The following TRRAP variants were observed in gnomAD, a reference collection of about 807,000 sequenced individuals.
TRRAP encodes transformation/transcription domain-associated protein.
A neutral mutation model predicts 438.8 loss-of-function variants in TRRAP; 41 were observed. The ratio of observed to expected loss-of-function variants is 0.09; its 90% CI spans 0.07 to 0.12. The LOEUF (loss-of-function observed/expected upper bound fraction) is 0.12. Ranked by LOEUF, TRRAP falls within the 10% of genes least tolerant of loss-of-function variation. TRRAP has a pLI of 1.00. For missense variants in TRRAP, 3,122 were observed against 5,055.1 expected, an observed-to-expected ratio of 0.62 and a Z score of 11.60; for synonymous variants, 1,994 against 1,962.9, an observed-to-expected ratio of 1.02 and a Z score of -0.42.
chr7:98,998,338 ATTT>A (rs560358036), intron 67 of TRRAP, among the ~76,000 whole-genome samples: 1 of 152,062 alleles, frequency 6.6e-6, no homozygotes, highest in Non-Finnish European at 1.5e-5. Flanking sequence ...TTGGCTTAGA[ATTT>A]TTTTCTCAAC....
Position 98,910,217 on chromosome 7 carries a change from T to TTCCCCCCCCCCCCCCCCCCCCCCCCCCCC in TRRAP, c.1512_1513insTCCCCCCCCCCCCCCCCCCCCCCCCCCCC (p.Ala505SerfsTer25). 5 of 1,045,586 alleles carry TTCCCCCCCCCCCCCCCCCCCCCCCCCCCC rather than the reference T, an allele frequency of 4.8e-6. No homozygotes were observed. Among genetic ancestry groups the TTCCCCCCCCCCCCCCCCCCCCCCCCCCCC allele is most frequent in the South Asian group, 3.5e-5 (2 of 57,706 alleles). The allele number at this position is 1,045,586 out of a possible 1,614,324, so 64.8% of individuals were successfully genotyped here. ...CTGCTCCCTCCCCAGCCCCTGTCCCTGCCCCACCTCCACCCCCGCCCCCAC... is the reference window on the plus strand; with the variant it reads ...CTGCTCCCTCCCCAGCCCCTGTCCCTTCCCCCCCCCCCCCCCCCCCCCCCCCCCCGCCCCACCTCCACCCCCGCCCCCAC... On this transcript the variant is annotated frameshift_variant, in exon 15 of 73. Coordinates refer to ENST00000456197, the MANE Select transcript of TRRAP (RefSeq NM_001375524.1). LOFTEE classifies it high-confidence loss of function.
chr7:98,930,430 T>C (rs1294951519), intron 24 of TRRAP, among the ~76,000 whole-genome samples: 1 of 152,034 alleles, frequency 6.6e-6, no homozygotes, highest in Admixed American at 6.6e-5. Context: ...TAAAAAAAAT[T>C]AGCCAGGCGT....
rs71567511 is a variant in TRRAP, at chr7:98,995,323, C to T, written c.10309+475C>T. On this transcript the variant is annotated intron_variant, in intron 67 of 72. Coordinates refer to ENST00000456197, the MANE Select transcript of TRRAP (RefSeq NM_001375524.1). The stretch of plus-strand genomic sequence containing the variant: ...TGAGCCAGTAGGAGACAGCGTCTGG[C>T]GGGCCAGTGGGAGACAGGGTCCGGT... 5.6e-3 allele frequency among the ~76,000 whole-genome samples: 777 copies of T among 139,212 alleles called. 3 individuals carry two copies. Among genetic ancestry groups the T allele is most frequent in the Middle Eastern group, 0.021 (6 of 288 alleles). 91.3% of individuals were successfully genotyped at this position (139,212 alleles called of 152,430 possible). A position where few individuals can be genotyped will look rare whatever the true frequency, so the allele number is the denominator to read the frequency against.
At chr7:98,952,550 C>T (rs191555322) in intron 39 of TRRAP, among the ~76,000 whole-genome samples, 1 of 152,254 alleles carries the variant, frequency 6.6e-6, no homozygotes, top group Admixed American at 6.5e-5. Context: ...CATTTGTAAA[C>T]CAAAAAGTAT....
At chr7:98,985,490 G>A (rs753952498) in intron 62 of TRRAP, among the ~76,000 whole-genome samples, 16 of 152,222 alleles carry the variant, frequency 1.1e-4, no homozygotes, top group Admixed American at 7.9e-4. Context: ...GACTGCTTTC[G>A]CTTTACTGCA....
At chr7:98,974,213 C>G (rs887378140) in intron 53 of TRRAP, among the ~76,000 whole-genome samples, 4 of 152,142 alleles carry the variant, frequency 2.6e-5, no homozygotes, top group Non-Finnish European at 5.9e-5. Context: ...ATTTCATCTT[C>G]TGTGTATTTA....
intron 10 of TRRAP, 45 bp from the exon 11 acceptor site, chr7:98,900,579 T>C (rs782457374): frequency 2.7e-6 from 4 of 1,499,254 alleles, no homozygotes; most frequent in Non-Finnish European, 2.7e-6. Flanking sequence ...AATACTAACA[T>C]CACTCATAAT....
chr7:98,934,358 C>T (rs1193506064), intron 27 of TRRAP, among the ~76,000 whole-genome samples: 1 of 152,170 alleles, frequency 6.6e-6, no homozygotes, highest in African/African-American at 2.4e-5. Context: ...CCTGTTTTTG[C>T]TTGGACATAT....
Position 98,949,703 on chromosome 7 carries a change from G to A in TRRAP, c.4997G>A (p.Ser1666Asn), listed in dbSNP as rs1554417741. 6.2e-7 allele frequency: 1 copy of A among 1,614,070 alleles called. No individual in the cohort carries two copies. Among genetic ancestry groups the A allele is most frequent in the East Asian group, 2.2e-5 (1 of 44,876 alleles). Residue 1666 changes from serine (S) to asparagine (N), a missense_variant, in exon 37 of 73, where the codon AGC becomes AAC. Ser to Asn is a conservative substitution (Grantham distance 46). Coordinates refer to ENST00000456197, the MANE Select transcript of TRRAP (RefSeq NM_001375524.1). ...IVKNDDSWLA[S>N]QHSLVSQLRR... is the part of the protein sequence containing the mutation. Reference sequence around the variant, plus strand: ...AAAAACGATGACTCCTGGCTGGCCAGCCAGCACTCTCTGGTGAGCCAGTTG... The same window carrying A: ...AAAAACGATGACTCCTGGCTGGCCAACCAGCACTCTCTGGTGAGCCAGTTG...
At position 98,915,580 on chromosome 7, in the gene TRRAP, T is replaced by G. The variant is rs536313002; in HGVS notation, c.2200-143T>G. On this transcript the variant is annotated intron_variant, in intron 18 of 72. Transcript: ENST00000456197. ...TTTGAGTTAAATAAAGATTGGAATA[T>G]GCTTGTTTGGTTTTTTCCCTTTGGA... 20 of 939,168 alleles carry G rather than the reference T, an allele frequency of 2.1e-5. 1 individual carries two copies. In the South Asian group the frequency reaches 3.1e-4, roughly 15 times the overall value. 58.2% of individuals were successfully genotyped at this position (939,168 alleles called of 1,614,324 possible). A position where few individuals can be genotyped will look rare whatever the true frequency, so the allele number is the denominator to read the frequency against.
intron 18 of TRRAP, among the ~76,000 whole-genome samples, chr7:98,914,972 T>C (rs1167000614): frequency 6.6e-6 from 1 of 151,882 alleles, no homozygotes; most frequent in East Asian, 1.9e-4. Context: ...ATGTGACATA[T>C]CAAAACCAGG....
chr7:98,998,291 T>TA (rs1417289636), intron 67 of TRRAP, among the ~76,000 whole-genome samples: 3 of 152,202 alleles, frequency 2.0e-5, no homozygotes, highest in Admixed American at 2.0e-4. Flanking sequence ...GAGCACATTA[T>TA]AATATTTAAT....
intron 21 of TRRAP, among the ~76,000 whole-genome samples, chr7:98,922,566 C>T (rs1027096335): frequency 6.6e-5 from 10 of 152,134 alleles, no homozygotes; most frequent in African/African-American, 1.9e-4. Flanking sequence ...TCCATCGTCA[C>T]GTTGGCTTTT....
intron 12 of TRRAP, among the ~76,000 whole-genome samples, chr7:98,905,046 G>A (rs938501235): frequency 3.9e-5 from 6 of 152,158 alleles, no homozygotes; most frequent in Admixed American, 1.3e-4. Context: ...GTCATGGAAA[G>A]GATCTGGAAA....
intron 26 of TRRAP, 81 bp from the exon 27 acceptor site, chr7:98,933,160 A>C (rs1554413349): frequency 6.8e-7 from 1 of 1,462,464 alleles, no homozygotes; most frequent in African/African-American, 1.4e-5. Flanking sequence ...TTGGATCTCA[A>C]ACATGGTTTT....
chr7:98,887,237 T>C (rs1716377650), intron 3 of TRRAP, among the ~76,000 whole-genome samples: 1 of 152,156 alleles, frequency 6.6e-6, no homozygotes, highest in African/African-American at 2.4e-5. Context: ...CTAGAGACAT[T>C]TGAAATGCAG....
intron 56 of TRRAP, 98 bp from the exon 57 acceptor site, chr7:98,978,113 C>T (rs969394641): frequency 2.7e-6 from 3 of 1,094,922 alleles, no homozygotes; most frequent in Non-Finnish European, 4.0e-6. Context: ...ATAGCAAAAC[C>T]TCATCTCAAA....
intron 31 of TRRAP, 25 bp downstream of exon 31, chr7:98,943,042 A>G: frequency 6.2e-7 from 1 of 1,613,598 alleles, no homozygotes; most frequent in Non-Finnish European, 8.5e-7. Flanking sequence ...TGTTTCTGGG[A>G]AGGGCACCAG....
At chr7:98,902,908 T>TAAAA (rs34223624) in intron 11 of TRRAP, among the ~76,000 whole-genome samples, 45 of 132,132 alleles carry the variant, frequency 3.4e-4, no homozygotes, top group Admixed American at 1.4e-3. Flanking sequence ...CCCCCATTTC[T>TAAAA]AAAAAAAAAA....
Sources: allele counts gnomAD v4.1 joint callset (sites outside exome capture counted in the v4.1 genomes callset), GRCh38; gene constraint gnomAD v4.1.1; transcripts MANE v1.5; gene names NCBI Gene and HGNC (gene_info 2026-07-23, HGNC 2026-07-21).